ABCA12: variants seen among roughly 807,000 people sequenced by gnomAD.
ABCA12 encodes the protein ATP binding cassette subfamily A member 12.
A neutral mutation model predicts 293.5 loss-of-function variants in ABCA12; 156 were observed. The observed-to-expected ratio is 0.53, with a 90% confidence interval of 0.47 to 0.61. ABCA12 has a LOEUF of 0.61. ABCA12 is among the 20% of genes least tolerant of loss of function. The pLI is 0.00. For missense variants in ABCA12, 2,797 were observed against 3,090.2 expected (o/e 0.91, Z 2.25); for synonymous variants, 1,063 against 1,108.0 (o/e 0.96, Z 0.81).
At chr2:215,042,002 A>G (rs1027672655) in intron 7 of ABCA12, among the ~76,000 whole-genome samples, 3 of 152,174 alleles carry the variant, frequency 2.0e-5, no homozygotes, top group African/African-American at 4.8e-5. Flanking sequence ...GAGTCAAGTG[A>G]TGGTTTCTAG....
chr2:214,951,995 G>A (rs1242186493), intron 44 of ABCA12, among the ~76,000 whole-genome samples: 1 of 151,206 alleles, frequency 6.6e-6, no homozygotes, highest in African/African-American at 2.4e-5. Context: ...ATATTTTAAG[G>A]TTATCAGCCC....
intron 50 of ABCA12, among the ~76,000 whole-genome samples, chr2:214,939,075 G>A (rs1438344580): frequency 6.6e-6 from 1 of 152,088 alleles, no homozygotes; most frequent in East Asian, 1.9e-4. Flanking sequence ...TTCTTCTAGG[G>A]TTTTTATGTT....
chr2:215,107,471 C>A (rs1349326971), intron 2 of ABCA12, among the ~76,000 whole-genome samples: 1 of 152,226 alleles, frequency 6.6e-6, no homozygotes, highest in Non-Finnish European at 1.5e-5. Context: ...GCCTGCCTGC[C>A]AGGCTCAAAA....
chr2:215,134,593 CTCTCTCTATATATATATA>C (rs1703161232), intron 1 of ABCA12, among the ~76,000 whole-genome samples: 1 of 81,502 alleles, frequency 1.2e-5, no homozygotes, highest in Non-Finnish European at 2.2e-5. Context: ...CTCTCTCTCT[CTCTCTCTATATATATATA>C]TATATAGAGA....
intron 8 of ABCA12, among the ~76,000 whole-genome samples, chr2:215,035,439 G>C (rs1700971264): frequency 6.6e-6 from 1 of 152,068 alleles, no homozygotes; most frequent in Admixed American, 6.5e-5. Context: ...GGAGGCTGAG[G>C]TGGGTGGATC....
intron 9 of ABCA12, among the ~76,000 whole-genome samples, chr2:215,027,360 AAAAG>A (rs1342032434): frequency 1.3e-5 from 2 of 151,962 alleles, no homozygotes; most frequent in African/African-American, 4.8e-5. Context: ...AAAAAGAAAA[AAAAG>A]AAAGAAATAC....
chr2:215,047,558 A>G (rs1344469765), intron 6 of ABCA12, among the ~76,000 whole-genome samples: 1 of 152,190 alleles, frequency 6.6e-6, no homozygotes, highest in Non-Finnish European at 1.5e-5. Flanking sequence ...AATAAATGAC[A>G]TTGGGATAAC....
Position 214,992,868 on chromosome 2 carries a change from AAAAT to A in ABCA12, c.3295-1841_3295-1838del, listed in dbSNP as rs537867650. 7.2e-3 allele frequency among the ~76,000 whole-genome samples: 1,088 copies of A among 152,052 alleles called. 6 individuals are homozygous for A. The highest frequency in any genetic ancestry group is 0.012 in the Non-Finnish European group (795 of 67,960). ...AGAGACAAGAGTGAAATTCTGTCTC[AAAAT>A]AAATAAATAAATAAATAAATAAATC... On this transcript the variant is annotated intron_variant, in intron 23 of 52. Coordinates refer to ENST00000272895, the MANE Select transcript of ABCA12 (RefSeq NM_173076.3).
At chr2:215,097,184 GTTCA>G (rs1702263732) in intron 2 of ABCA12, among the ~76,000 whole-genome samples, 1 of 152,014 alleles carries the variant, frequency 6.6e-6, no homozygotes, top group Non-Finnish European at 1.5e-5. Flanking sequence ...TCACGAAATT[GTTCA>G]TTCTCTTCCT....
chr2:215,075,664 A>C, intron 2 of ABCA12: 1 of 640,352 alleles, frequency 1.6e-6, no homozygotes, highest in Non-Finnish European at 2.8e-6. Flanking sequence ...CTTAAAATGA[A>C]GATTATGTTT....
intron 39 of ABCA12, among the ~76,000 whole-genome samples, chr2:214,959,656 G>A (rs978476669): frequency 7.2e-5 from 11 of 152,054 alleles, no homozygotes; most frequent in Admixed American, 5.2e-4. Flanking sequence ...AGCCATACCC[G>A]AGGCCTTTTC....
intron 2 of ABCA12, among the ~76,000 whole-genome samples, chr2:215,079,893 A>G (rs1701904387): frequency 6.6e-6 from 1 of 152,236 alleles, no homozygotes; most frequent in African/African-American, 2.4e-5. Context: ...ATTTAGATAT[A>G]TCGACAGGAT....
At chr2:215,097,324 T>A (rs1294997708) in intron 2 of ABCA12, among the ~76,000 whole-genome samples, 1 of 148,762 alleles carries the variant, frequency 6.7e-6, no homozygotes, top group African/African-American at 2.6e-5. Flanking sequence ...CCTCCAAAAA[T>A]CTTTTTTTTT....
At chr2:214,980,334 G>C in intron 31 of ABCA12, 149 bp downstream of exon 31, 2 of 1,181,932 alleles carry the variant, frequency 1.7e-6, no homozygotes, top group Non-Finnish European at 2.4e-6. Flanking sequence ...AAGACCTCCA[G>C]GATTTCGATG....
At chr2:215,113,773 G>A (rs529423592) in intron 1 of ABCA12, among the ~76,000 whole-genome samples, 1 of 152,078 alleles carries the variant, frequency 6.6e-6, no homozygotes, top group Non-Finnish European at 1.5e-5. Flanking sequence ...GATGAATATA[G>A]GCAATGAACC....
In ABCA12 at chr2:214,982,038, C is replaced by G. The variant is rs1320127470; in HGVS notation, c.4579+149G>C. 5.7e-6 allele frequency: 4 copies of G among 706,774 alleles called. No homozygotes were observed. The African/African-American group carries it at 7.2e-5, about 13-fold the overall frequency. 43.8% of individuals were successfully genotyped at this position (706,774 alleles called of 1,614,324 possible). On this transcript the variant is annotated intron_variant, in intron 30 of 52. Coordinates refer to ENST00000272895, the MANE Select transcript of ABCA12 (RefSeq NM_173076.3). ...TGTTACCCAGGCTGGTCTCAAACTC[C>G]CAGGCTCAAGCAATCCTCCTGTCTT... is the stretch of plus-strand genomic sequence containing the variant.
At position 215,007,784 on chromosome 2, in the gene ABCA12, C is replaced by T. The variant is rs1700286270; in HGVS notation, c.2535G>A (p.Lys845=). ...LREKSQEWMD[K]SPLFMNSFHL... ...GGAAGGAATTCATGAAAAGTGGCGACTTATCCATCCACTCTTGAGATTTTT... is the reference window on the plus strand; with the variant it reads ...GGAAGGAATTCATGAAAAGTGGCGATTTATCCATCCACTCTTGAGATTTTT... The change falls in exon 19 of 53, where the codon AAG becomes AAA. Residue 845 remains lysine, a synonymous_variant. Transcript: ENST00000272895. The T allele has an allele frequency of 6.2e-7, 1 of 1,613,942 alleles. No individual in the cohort carries two copies. The highest frequency in any genetic ancestry group is 1.7e-5 in the Admixed American group (1 of 60,004).
rs1451521162 is a variant in ABCA12 at position 215,099,351 on chromosome 2, A to G, written c.163+12246T>C. 2.0e-5 allele frequency among the ~76,000 whole-genome samples: 3 copies of G among 152,228 alleles called. No individual in the cohort carries two copies. In the South Asian group the frequency reaches 6.2e-4, roughly 31 times the overall value. ...ACGTCCTAGCCCAAATCCTGACTGC[A>G]AACTCATGAGACACACCAAGGCAAA... On this transcript the variant is annotated intron_variant, in intron 2 of 52. Coordinates refer to ENST00000272895, the MANE Select transcript of ABCA12 (RefSeq NM_173076.3).
In ABCA12 at chr2:215,017,990, A is replaced by G. The variant is rs1239723751; in HGVS notation, c.1782+18T>C. ...ATTTCTAAGAACTGCATGTAAGTAC[A>G]AACACATGACACCCCACCTCAGCTC... On this transcript the variant is annotated intron_variant, in intron 14 of 52. Transcript: ENST00000272895. The G allele has an allele frequency of 5.0e-6, 8 of 1,614,088 alleles. No homozygotes were observed. The highest frequency in any genetic ancestry group is 5.9e-6 in the Non-Finnish European group (7 of 1,180,016).
Sources: gnomAD v4.1 joint callset for allele counts (sites outside exome capture counted in the v4.1 genomes callset) on GRCh38, gnomAD v4.1.1 for gene constraint, MANE v1.5 for transcripts, NCBI Gene and HGNC (gene_info 2026-07-23, HGNC 2026-07-21) for gene names.